The following TAOK1 variants were observed in gnomAD, a reference collection of about 807,000 sequenced individuals.
TAOK1 encodes the protein serine/threonine-protein kinase TAO1.
TAOK1 carries 21 observed loss-of-function variants against 138.3 expected under a neutral mutation model. The observed-to-expected ratio is 0.15, with a 90% CI of 0.11 to 0.22. The LOEUF is 0.22. Ranked by LOEUF, TAOK1 falls within the 10% of genes least tolerant of loss-of-function variation. The probability of loss-of-function intolerance (pLI) is 1.00; values close to 1 mark genes in which losing one functional copy is unlikely to be tolerated. For synonymous variants in TAOK1, 361 were observed against 398.4 expected (o/e 0.91, Z 1.12); for missense variants, 651 against 1,227.7 (o/e 0.53, Z 7.02).
At chr17:29,431,414 C>T (rs922023592) in intron 1 of TAOK1, among the ~76,000 whole-genome samples, 6 of 151,836 alleles carry the variant, frequency 4.0e-5, no homozygotes, top group Non-Finnish European at 8.8e-5. Context: ...TGCACTCCAA[C>T]CCGGGCAACG....
chr17:29,457,089 C>CTTTTTTTTTTTTTTTTTTTT (rs548221652), intron 2 of TAOK1, among the ~76,000 whole-genome samples: 16 of 107,406 alleles, frequency 1.5e-4, no homozygotes, highest in African/African-American at 2.3e-4. Context: ...TTTTCTTTTT[C>CTTTTTTTTTTTTTTTTTTTT]TTTTTTTTTT....
intron 1 of TAOK1, among the ~76,000 whole-genome samples, chr17:29,411,154 G>C (rs1905134242): frequency 7.0e-6 from 1 of 141,938 alleles, no homozygotes; most frequent in Non-Finnish European, 1.6e-5. Context: ...TGCAGTGGCG[G>C]GATCTCGGCT....
chr17:29,414,251 C>T (rs1905214551), intron 1 of TAOK1, among the ~76,000 whole-genome samples: 2 of 150,730 alleles, frequency 1.3e-5, no homozygotes, highest in Non-Finnish European at 3.0e-5. Flanking sequence ...TGTATCAGTA[C>T]TTCACATTAT....
chr17:29,431,790 C>A (rs898700387), intron 1 of TAOK1, among the ~76,000 whole-genome samples: 2 of 149,618 alleles, frequency 1.3e-5, no homozygotes, highest in Non-Finnish European at 3.0e-5. Flanking sequence ...GTGCCCACCA[C>A]CATGCCTGGC....
chr17:29,457,089 C>CTTTTTTTTTTTTTTTTTTT (rs548221652), intron 2 of TAOK1, among the ~76,000 whole-genome samples: 22 of 107,410 alleles, frequency 2.0e-4, no homozygotes, highest in South Asian at 6.5e-4. Flanking sequence ...TTTTCTTTTT[C>CTTTTTTTTTTTTTTTTTTT]TTTTTTTTTT....
In TAOK1 at chr17:29,426,718, G is replaced by C. The variant is rs1905654059; in HGVS notation, c.-94-24737G>C. 2.0e-5 allele frequency among the ~76,000 whole-genome samples: 3 copies of C among 152,102 alleles called. No homozygotes were observed. The South Asian group carries it at 6.2e-4, about 31-fold the overall frequency. ...AGTAGCTTAAGAGGCCCTCATTTGT[G>C]GGACCAGCTGTTGGTACATTGTATG... On this transcript the variant is annotated intron_variant, in intron 1 of 19. Transcript: ENST00000261716.
intron 1 of TAOK1, among the ~76,000 whole-genome samples, chr17:29,430,204 T>C (rs1360081200): frequency 6.6e-6 from 1 of 152,100 alleles, no homozygotes; most frequent in Non-Finnish European, 1.5e-5. Flanking sequence ...TTATTGAAAA[T>C]GAAAGTACAC....
At chr17:29,514,982 G>C (rs915297774) in intron 15 of TAOK1, 3 of 127,908 alleles carry the variant, frequency 2.3e-5, no homozygotes, top group African/African-American at 8.7e-5. Flanking sequence ...CTGGGTCACA[G>C]AGTGAAATTC....
intron 8 of TAOK1, among the ~76,000 whole-genome samples, chr17:29,486,651 T>C (rs536103890): frequency 7.9e-5 from 12 of 152,256 alleles, no homozygotes; most frequent in Non-Finnish European, 1.8e-4. Context: ...AAAAAAGTTA[T>C]TTGAATTTAT....
intron 1 of TAOK1, among the ~76,000 whole-genome samples, chr17:29,413,183 G>T (rs941912796): frequency 3.9e-5 from 6 of 152,042 alleles, no homozygotes; most frequent in Non-Finnish European, 8.8e-5. Flanking sequence ...GGTTCAATGT[G>T]GTCTGCCTTA....
intron 1 of TAOK1, among the ~76,000 whole-genome samples, chr17:29,408,543 A>G (rs1259566648): frequency 6.6e-6 from 1 of 151,948 alleles, no homozygotes; most frequent in Non-Finnish European, 1.5e-5. Flanking sequence ...CAATTTTACC[A>G]AGCTTTAATT....
At chr17:29,533,597 G>A (rs1315841958) in intron 18 of TAOK1, among the ~76,000 whole-genome samples, 1 of 151,852 alleles carries the variant, frequency 6.6e-6, no homozygotes, top group East Asian at 1.9e-4. Context: ...CTGGCACCTC[G>A]GGAGGCGGAG....
chr17:29,410,477 C>T (rs1598468708), intron 1 of TAOK1, among the ~76,000 whole-genome samples: 1 of 150,310 alleles, frequency 6.7e-6, no homozygotes, highest in African/African-American at 2.4e-5. Context: ...GGTCTTGAAC[C>T]CCTGACCTCA....
chr17:29,418,342 C>T (rs1001589238), intron 1 of TAOK1, among the ~76,000 whole-genome samples: 2 of 152,088 alleles, frequency 1.3e-5, no homozygotes, highest in African/African-American at 4.8e-5. Context: ...TGCCACCGTG[C>T]CTGGCTAATT....
chr17:29,479,594 T>A (rs2031016498), intron 6 of TAOK1, among the ~76,000 whole-genome samples: 1 of 152,066 alleles, frequency 6.6e-6, no homozygotes, highest in Admixed American at 6.6e-5. Context: ...CCTCTCCATT[T>A]AAAAAAAATC....
At chr17:29,482,974 T>G (rs1365861369) in intron 8 of TAOK1, among the ~76,000 whole-genome samples, 3 of 152,220 alleles carry the variant, frequency 2.0e-5, no homozygotes, top group Non-Finnish European at 4.4e-5. Flanking sequence ...TCACTGTAAT[T>G]GAAGATGCTG....
At chr17:29,470,267 A>G (rs1157574019) in intron 3 of TAOK1, among the ~76,000 whole-genome samples, 1 of 152,198 alleles carries the variant, frequency 6.6e-6, no homozygotes, top group Admixed American at 6.5e-5. Flanking sequence ...CCAAAGGTTT[A>G]ACTGTATTTC....
At chr17:29,418,097 AG>A (rs1401025556) in intron 1 of TAOK1, among the ~76,000 whole-genome samples, 2 of 152,150 alleles carry the variant, frequency 1.3e-5, no homozygotes, top group African/African-American at 4.8e-5. Context: ...CATGTTGCCC[AG>A]GCTGGTCTGA....
In TAOK1 at chr17:29,545,065, C is replaced by T. The variant is rs1052805248; in HGVS notation, c.*2043C>T. On this transcript the variant is annotated 3_prime_UTR_variant, in exon 20 of 20. Transcript: ENST00000261716. Reference sequence around the variant, plus strand: ...TAAATGTTTTTAAAACCAAGATCACCATAGAGTTCACACAAAATTTTAGGC... The same window carrying T: ...TAAATGTTTTTAAAACCAAGATCACTATAGAGTTCACACAAAATTTTAGGC... 5.9e-5 allele frequency: 9 copies of T among 152,104 alleles called. No individual in the cohort carries two copies. Among genetic ancestry groups the T allele is most frequent in the African/African-American group, 1.7e-4 (7 of 41,418 alleles). The allele number at this position is 152,104 out of a possible 1,614,324, so 9.4% of individuals were successfully genotyped here.
Sources: gnomAD v4.1 joint callset for allele counts (sites outside exome capture counted in the v4.1 genomes callset) on GRCh38, gnomAD v4.1.1 for gene constraint, MANE v1.5 for transcripts, NCBI Gene and HGNC (gene_info 2026-07-23, HGNC 2026-07-21) for gene names.